BCOR: variants seen among roughly 807,000 people sequenced by gnomAD.
The protein encoded by BCOR is BCL6 corepressor, also known as BCL-6 corepressor.
In BCOR, 10 loss-of-function variants were observed where a neutral mutation model predicts 86.7. The ratio of observed to expected loss-of-function variants is 0.12; its 90% CI spans 0.07 to 0.20. The LOEUF (loss-of-function observed/expected upper bound fraction) is 0.20, where lower values mean the gene tolerates loss of function less well. Ranked by LOEUF, BCOR falls within the 10% of genes least tolerant of loss-of-function variation. The pLI, the probability that BCOR is intolerant of heterozygous loss-of-function variation, is 1.00. For synonymous variants in BCOR, 611 were observed against 609.0 expected (o/e 1.00, Z -0.05); for missense variants, 1,259 against 1,452.1 (o/e 0.87, Z 2.16).
chrX:40,077,050 C>A, intron 2 of BCOR: 1 of 253,898 alleles, frequency 3.9e-6, no homozygotes, highest in Non-Finnish European at 7.3e-6. Context: ...AACTGGTTTC[C>A]ATGGTGATAA....
chrX:40,169,665 C>A (rs79257936), intron 1 of BCOR, among the ~76,000 whole-genome samples: 2 of 111,532 alleles, frequency 1.8e-5, no homozygotes, highest in East Asian at 2.8e-4. Context: ...AATCCCCCCC[C>A]TACTGGTCGG....
chrX:40,165,136 G>A (rs1185754112), intron 1 of BCOR, among the ~76,000 whole-genome samples: 1 of 111,745 alleles, frequency 8.9e-6, no homozygotes, highest in Non-Finnish European at 1.9e-5. Flanking sequence ...AGAGCAGCCA[G>A]GGAACAGGCA....
Position 40,074,249 on chromosome X carries a change from G to A in BCOR, c.1097C>T (p.Thr366Ile), listed in dbSNP as rs779192905. The A allele has an allele frequency of 1.6e-6, 2 of 1,212,229 alleles. No individual in the cohort carries two copies. Among genetic ancestry groups the A allele is most frequent in the East Asian group, 5.9e-5 (2 of 33,870 alleles). The change falls in exon 4 of 15, where the codon ACC becomes ATC. Residue 366 changes from threonine to isoleucine, a missense_variant. Thr to Ile is a moderately conservative substitution (Grantham distance 89, BLOSUM62 -1). This residue lies in a region of BCOR where 534 missense variants were observed against 594.8 expected (regional missense o/e 0.90). Transcript: ENST00000378444. ...CTTTGACAGGGCAACTGAAGGAGAG[G>A]TGGAGATCCTGGCATAGTGCTTGTG... ...EFHKHYARIS[T>I]SPSVALSKPY... is the part of the protein sequence containing the mutation.
chrX:40,125,391 G>A (rs1280034443), intron 1 of BCOR, among the ~76,000 whole-genome samples: 10 of 111,370 alleles, frequency 9.0e-5, no homozygotes, highest in African/African-American at 2.3e-4. Context: ...ACACCACCAC[G>A]CCTGGCTAAT....
chrX:40,157,056 T>C (rs983870881), intron 1 of BCOR, among the ~76,000 whole-genome samples: 4 of 113,166 alleles, frequency 3.5e-5, no homozygotes, highest in African/African-American at 1.3e-4. Flanking sequence ...CTGGCTACAG[T>C]TTAGAAGTCG....
At chrX:40,163,742 G>A (rs1436814287) in intron 1 of BCOR, among the ~76,000 whole-genome samples, 1 of 110,225 alleles carries the variant, frequency 9.1e-6, no homozygotes, top group African/African-American at 3.3e-5. Context: ...TGATGCAGCG[G>A]GCCAGGCACG....
intron 1 of BCOR, among the ~76,000 whole-genome samples, chrX:40,157,503 A>G (rs770945496): frequency 1.3e-4 from 15 of 112,607 alleles, no homozygotes; most frequent in Non-Finnish European, 2.3e-4. Flanking sequence ...ATGCAGAAAG[A>G]CTATTTCACC....
intron 1 of BCOR, among the ~76,000 whole-genome samples, chrX:40,148,075 C>T (rs1290911067): frequency 8.9e-6 from 1 of 112,318 alleles, no homozygotes; most frequent in African/African-American, 3.2e-5. Flanking sequence ...TTTTATCTGA[C>T]TTGGCGGCGC....
chrX:40,094,321 A>C (rs932406372), intron 1 of BCOR, among the ~76,000 whole-genome samples: 1 of 111,953 alleles, frequency 8.9e-6, no homozygotes, highest in African/African-American at 3.2e-5. Context: ...CACACCAACA[A>C]CACCCGCGAG....
intron 2 of BCOR, chrX:40,076,908 A>AGGAGACC: frequency 6.1e-6 from 2 of 329,991 alleles, no homozygotes; most frequent in South Asian, 5.3e-5. Flanking sequence ...GAGGGTAGAC[A>AGGAGACC]TGAAGTGGTA....
intron 1 of BCOR, among the ~76,000 whole-genome samples, chrX:40,126,859 G>A (rs1433231654): frequency 9.2e-6 from 1 of 108,534 alleles, no homozygotes; most frequent in African/African-American, 3.4e-5. Context: ...AAAAAAAAAA[G>A]AGGAGGTTAG....
intron 1 of BCOR, among the ~76,000 whole-genome samples, chrX:40,151,272 C>A (rs1265791130): frequency 1.8e-5 from 2 of 112,651 alleles, no homozygotes. Context: ...TGCCCAAGTG[C>A]TGACAGGGAT....
chrX:40,132,796 C>T (rs1937615773), intron 1 of BCOR, among the ~76,000 whole-genome samples: 1 of 112,536 alleles, frequency 8.9e-6, no homozygotes, highest in Non-Finnish European at 1.9e-5. Context: ...AACATTTTCT[C>T]ACTTCCAAGA....
chrX:40,127,019 ATAT>A (rs1937552520), intron 1 of BCOR, among the ~76,000 whole-genome samples: 1 of 111,271 alleles, frequency 9.0e-6, no homozygotes, highest in Non-Finnish European at 1.9e-5. Flanking sequence ...GTAAGACAAT[ATAT>A]TTCAGTTGTT....
rs761015151 is a variant in BCOR at position 40,052,077 on chromosome X, A to G, written c.*32T>C. The G allele has an allele frequency of 3.5e-6, 4 of 1,148,479 alleles. No homozygotes were observed. Among genetic ancestry groups the G allele is most frequent in the African/African-American group, 1.8e-5 (1 of 55,620 alleles). 94.6% of individuals were successfully genotyped at this position (1,148,479 alleles called of 1,213,427 possible). ...ACACATATGCACAAGGATTAACACTATAACACACTGTACATGGTGGGTCCA... is the reference window on the plus strand; with the variant it reads ...ACACATATGCACAAGGATTAACACTGTAACACACTGTACATGGTGGGTCCA... On this transcript the variant is annotated 3_prime_UTR_variant, in exon 15 of 15. Transcript: ENST00000378444.
At chrX:40,158,182 G>A (rs1370019841) in intron 1 of BCOR, among the ~76,000 whole-genome samples, 1 of 112,285 alleles carries the variant, frequency 8.9e-6, no homozygotes, top group Non-Finnish European at 1.9e-5. Flanking sequence ...TCCGGGCAGG[G>A]GGCCTGTCAG....
intron 1 of BCOR, among the ~76,000 whole-genome samples, chrX:40,165,742 C>T (rs7880853): frequency 0.16 from 17,951 of 111,712 alleles, 1,455 homozygotes; most frequent in African/African-American, 0.31. Flanking sequence ...ATCCTCTCTT[C>T]ACTCCTTCAA....
chrX:40,160,111 C>CTTTT (rs748741460), intron 1 of BCOR, among the ~76,000 whole-genome samples: 1 of 104,676 alleles, frequency 9.6e-6, no homozygotes, highest in African/African-American at 3.5e-5. Context: ...ACATGGATTA[C>CTTTT]TTTTTTTTTT....
At chrX:40,138,310 A>G (rs2147934762) in intron 1 of BCOR, among the ~76,000 whole-genome samples, 1 of 111,963 alleles carries the variant, frequency 8.9e-6, no homozygotes, top group East Asian at 2.8e-4. Context: ...ACTGGTCACA[A>G]GAAGCCCCTG....
Sources: allele counts gnomAD v4.1 joint callset (sites outside exome capture counted in the v4.1 genomes callset), GRCh38; gene constraint gnomAD v4.1.1; regional missense constraint gnomAD v4.1.1; transcripts MANE v1.5; gene names NCBI Gene and HGNC (gene_info 2026-07-23, HGNC 2026-07-21).